XKR7: variants seen among roughly 807,000 people sequenced by gnomAD.
XKR7 encodes XK related 7.
Under a neutral mutation model 42.2 loss-of-function variants are expected in XKR7, and 11 were observed. The ratio of observed to expected loss-of-function variants is 0.26; its 90% CI spans 0.16 to 0.43. The LOEUF (loss-of-function observed/expected upper bound fraction) is 0.43, where lower values mean the gene tolerates loss of function less well. Among genes scored for constraint, XKR7 ranks in the 20% least tolerant of loss-of-function variants. XKR7 has a pLI of 1.00. For missense variants in XKR7, 710 were observed against 802.2 expected, an observed-to-expected ratio of 0.89 and a Z score of 1.39; for synonymous variants, 346 against 366.4, an observed-to-expected ratio of 0.94 and a Z score of 0.64.
At chr20:31,986,894 A>AGACC (rs1296675175) in intron 1 of XKR7, among the ~76,000 whole-genome samples, 1 of 151,172 alleles carries the variant, frequency 6.6e-6, no homozygotes, top group African/African-American at 2.4e-5. Flanking sequence ...ACAGACAGAC[A>AGACC]GACCACCAAG....
intron 1 of XKR7, among the ~76,000 whole-genome samples, chr20:31,988,277 G>T (rs934833017): frequency 8.5e-5 from 13 of 152,158 alleles, no homozygotes; most frequent in African/African-American, 3.1e-4. Context: ...CTGCCCATTA[G>T]AGAGCAGCCC....
At position 31,968,274 on chromosome 20, in the gene XKR7, G is replaced by A; in HGVS notation, c.99G>A (p.Ala33=). 1 of 1,168,608 alleles carries A rather than the reference G, an allele frequency of 8.6e-7. No homozygotes were observed. The highest frequency in any genetic ancestry group is 1.1e-6 in the Non-Finnish European group (1 of 948,288). The allele number at this position is 1,168,608 out of a possible 1,614,324, so 72.4% of individuals were successfully genotyped here. Reference sequence around the variant, plus strand: ...GCAGTGCCGGCGGGCGCGGGGAGGCGGCGGCGGCGGCCGGGCCCCCGGGGG... The same window carrying A: ...GCAGTGCCGGCGGGCGCGGGGAGGCAGCGGCGGCGGCCGGGCCCCCGGGGG... ...ARGSAGGRGE[A]AAAAGPPGVV... The change falls in exon 1 of 3, where the codon GCG becomes GCA. Residue 33 remains alanine, a synonymous_variant. Coordinates refer to ENST00000562532, the MANE Select transcript of XKR7 (RefSeq NM_001011718.2). This position sits in a 1 kb window ranked among gnomAD's most constrained non-coding sequence, Gnocchi z 4.5.
In XKR7 at chr20:32,001,609, G is replaced by T. The variant is rs974455407; in HGVS notation, c.*4152G>T. 6.6e-6 allele frequency: 1 copy of T among 152,198 alleles called. No individual in the cohort carries two copies. Among genetic ancestry groups the T allele is most frequent in the African/African-American group, 2.4e-5 (1 of 41,434 alleles). 9.4% of individuals were successfully genotyped at this position (152,198 alleles called of 1,614,324 possible). ...ATCTGGGGGGTCCACAGGGTCCCTG[G>T]TTTGGGAATCATCTGATAAGGGCTA... is the stretch of plus-strand genomic sequence containing the variant. On this transcript the variant is annotated 3_prime_UTR_variant, in exon 3 of 3. Coordinates refer to ENST00000562532, the MANE Select transcript of XKR7 (RefSeq NM_001011718.2).
At chr20:31,978,585 T>C (rs1270533170) in intron 1 of XKR7, among the ~76,000 whole-genome samples, 1 of 152,242 alleles carries the variant, frequency 6.6e-6, no homozygotes, top group Non-Finnish European at 1.5e-5. Flanking sequence ...CATGAAAATG[T>C]CCTATATCTG....
intron 1 of XKR7, among the ~76,000 whole-genome samples, chr20:31,986,917 C>A (rs2064544323): frequency 6.6e-6 from 1 of 150,432 alleles, no homozygotes; most frequent in Non-Finnish European, 1.5e-5. Flanking sequence ...GACCCAGCAT[C>A]CAAGACACAG....
Position 31,968,751 on chromosome 20 carries a change from G to T in XKR7, c.576G>T (p.Gln192His). The T allele has an allele frequency of 1.3e-6, 2 of 1,513,854 alleles. No homozygotes were observed. Among genetic ancestry groups the T allele is most frequent in the South Asian group, 2.5e-5 (2 of 78,830 alleles). 93.8% of individuals were successfully genotyped at this position (1,513,854 alleles called of 1,614,324 possible). ...TCGTCCACCTCCTGCAGCTCGGCCA[G>T]GTCTGGAGGTAGGAGAAGCGCAGGT... ...QTLVHLLQLGQVWRYLRALYL... is the reference protein window; with the variant it reads ...QTLVHLLQLGHVWRYLRALYL... The change falls in exon 1 of 3, where the codon CAG (glutamine) becomes CAT (histidine). Residue 192 changes from glutamine (Q) to histidine (H), a missense_variant. This residue lies in a region of XKR7 where 708 missense variants were observed against 786.2 expected (regional missense o/e 0.90). Coordinates refer to ENST00000562532, the MANE Select transcript of XKR7 (RefSeq NM_001011718.2). This position sits in a 1 kb window ranked among gnomAD's most constrained non-coding sequence, Gnocchi z 4.5.
At chr20:31,992,888 G>A (rs2064575705) in intron 1 of XKR7, among the ~76,000 whole-genome samples, 1 of 152,122 alleles carries the variant, frequency 6.6e-6, no homozygotes, top group African/African-American at 2.4e-5. Flanking sequence ...CTCATTTGAG[G>A]AAATTTGGTA....
In XKR7 at chr20:31,996,908, G is replaced by T. The variant is rs1416256104; in HGVS notation, c.1191G>T (p.Ala397=). The change falls in exon 3 of 3, where the codon GCG becomes GCT. Residue 397 remains alanine, a synonymous_variant. Transcript: ENST00000562532. ...GCATCGTCCTGCTGGAGAACGCCGC[G>T]CTCACCGGCTTCTGGTACTCCAGCC... The part of the protein sequence containing the change: ...YHCIVLLENA[A]LTGFWYSSRN... 4 of 1,613,700 alleles carry T rather than the reference G, an allele frequency of 2.5e-6. No homozygotes were observed.
In XKR7 at chr20:31,968,578, G is replaced by C. The variant is rs2064447664; in HGVS notation, c.403G>C (p.Gly135Arg). 6.2e-7 allele frequency: 1 copy of C among 1,609,528 alleles called. No homozygotes were observed. The highest frequency in any genetic ancestry group is 1.3e-5 in the African/African-American group (1 of 74,878). The stretch of plus-strand genomic sequence containing the variant: ...CGTCAGCACCAAGGACAGCGTAGCC[G>C]GCGGAGCCGCCATCAGCACCAAGGA... ...PAVSTKDSVA[G>R]GAAISTKDSA... The change falls in exon 1 of 3, where the codon GGC becomes CGC. Residue 135 changes from glycine to arginine, a missense_variant. Physicochemically the swap from Gly to Arg is moderately radical, Grantham distance 125 (BLOSUM62 -2). Coordinates refer to ENST00000562532, the MANE Select transcript of XKR7 (RefSeq NM_001011718.2). The surrounding 1 kb of genome is among the most constrained non-coding windows in gnomAD (Gnocchi z 4.5).
Position 31,997,378 on chromosome 20 carries a change from C to G in XKR7, c.1661C>G (p.Ser554Cys), listed in dbSNP as rs1425185765. The G allele has an allele frequency of 6.2e-7, 1 of 1,601,282 alleles. No individual in the cohort carries two copies. Among genetic ancestry groups the G allele is most frequent in the Non-Finnish European group, 8.5e-7 (1 of 1,179,964 alleles). ...LRKTILALEY[S>C]SPATPRLQYR... The stretch of plus-strand genomic sequence containing the variant: ...AAGACCATCCTGGCACTGGAGTACT[C>G]CTCACCTGCCACGCCCCGGTTGCAG... Residue 554 changes from serine (S) to cysteine (C), a missense_variant, in exon 3 of 3, where the codon TCC becomes TGC. Physicochemically the swap from Ser to Cys is moderately radical, Grantham distance 112 (BLOSUM62 -1). Coordinates refer to ENST00000562532, the MANE Select transcript of XKR7 (RefSeq NM_001011718.2).
At chr20:31,983,077 G>C (rs1275512639) in intron 1 of XKR7, among the ~76,000 whole-genome samples, 1 of 152,182 alleles carries the variant, frequency 6.6e-6, no homozygotes, top group Non-Finnish European at 1.5e-5. Flanking sequence ...TTTCACCTGG[G>C]TTCTTTCCCT....
chr20:31,990,887 G>T (rs1378234913), intron 1 of XKR7, among the ~76,000 whole-genome samples: 2 of 152,080 alleles, frequency 1.3e-5, no homozygotes, highest in African/African-American at 4.8e-5. Context: ...TTTTGCTCCT[G>T]TTGCCAAAAG....
chr20:31,976,876 A>G (rs2064487823), intron 1 of XKR7, among the ~76,000 whole-genome samples: 1 of 152,044 alleles, frequency 6.6e-6, no homozygotes. Flanking sequence ...TGGGGAGTTG[A>G]GGCTTTGTTG....
chr20:31,990,254 C>G (rs897993253), intron 1 of XKR7, among the ~76,000 whole-genome samples: 22 of 151,964 alleles, frequency 1.4e-4, no homozygotes, highest in African/African-American at 5.3e-4. Context: ...TGGTCTCAAA[C>G]TCCCCGGTTC....
chr20:31,970,158 T>C (rs2064458032), intron 1 of XKR7: 1 of 152,242 alleles, frequency 6.6e-6, no homozygotes, highest in Non-Finnish European at 1.5e-5. Context: ...TATTCATGTC[T>C]ACATCCAGGA....
chr20:31,987,629 CACAG>C (rs954533989), intron 1 of XKR7, among the ~76,000 whole-genome samples: 12 of 151,172 alleles, frequency 7.9e-5, no homozygotes, highest in South Asian at 4.2e-4. Flanking sequence ...AGTATTAAGA[CACAG>C]ACAGACAGAC....
In XKR7 at chr20:31,997,696, G is replaced by C. The variant is rs898101014; in HGVS notation, c.*239G>C. On this transcript the variant is annotated 3_prime_UTR_variant, in exon 3 of 3. Transcript: ENST00000562532. The stretch of plus-strand genomic sequence containing the variant: ...AAATTCCCCTGACCCAGGGCCTGGG[G>C]AATCATCTGGTGCTACACTTTTCGA... The C allele has an allele frequency of 9.3e-6, 5 of 536,634 alleles. No individual in the cohort carries two copies. Among genetic ancestry groups the C allele is most frequent in the Admixed American group, 7.0e-5 (2 of 28,624 alleles). 33.2% of individuals were successfully genotyped at this position (536,634 alleles called of 1,614,324 possible). A position where few individuals can be genotyped will look rare whatever the true frequency, so the allele number is the denominator to read the frequency against.
At chr20:31,989,615 G>A (rs1290798607) in intron 1 of XKR7, among the ~76,000 whole-genome samples, 2 of 152,044 alleles carry the variant, frequency 1.3e-5, no homozygotes, top group South Asian at 2.1e-4. Flanking sequence ...ACAGACTGGG[G>A]ATTTTGTTGT....
rs2064633216 is a variant in XKR7, at chr20:32,003,156, CCT to C, written c.*5700_*5701del. The C allele has an allele frequency of 6.6e-6, 1 of 152,394 alleles. No individual in the cohort carries two copies. The highest frequency in any genetic ancestry group is 2.4e-5 in the African/African-American group (1 of 41,434). The allele number at this position is 152,394 out of a possible 1,614,324, so 9.4% of individuals were successfully genotyped here. On this transcript the variant is annotated 3_prime_UTR_variant, in exon 3 of 3. Transcript: ENST00000562532. ...TCTTCCTCCCTAACGGGCCCTCACC[CCT>C]GTCCTCTTCTGTTTCCTTTTCCTGG... is the stretch of plus-strand genomic sequence containing the variant.
Sources: gnomAD v4.1 joint callset for allele counts (sites outside exome capture counted in the v4.1 genomes callset) on GRCh38, gnomAD v4.1.1 for gene constraint, gnomAD v4.1.1 regional missense constraint, Gnocchi (gnomAD v3.1) non-coding constraint, MANE v1.5 for transcripts, NCBI Gene and HGNC (gene_info 2026-07-23, HGNC 2026-07-21) for gene names.